Variants in CMTM8 observed in about 807,000 individuals in gnomAD.
The protein encoded by CMTM8 is CKLF like MARVEL transmembrane domain containing 8, also known as CKLF-like MARVEL transmembrane domain-containing protein 8.
Under a neutral mutation model 18.6 loss-of-function variants are expected in CMTM8, and 12 were observed. The observed-to-expected ratio is 0.65, with a 90% CI of 0.41 to 1.05. The LOEUF is 1.05. CMTM8 is among the 50% of genes least tolerant of loss of function. The pLI, the probability that CMTM8 is intolerant of heterozygous loss-of-function variation, is 0.00. For missense variants in CMTM8, 217 were observed against 227.2 expected (o/e 0.95, Z 0.29); for synonymous variants, 87 against 90.6 (o/e 0.96, Z 0.23).
chr3:32,301,827 GT>G (rs1695624350), intron 1 of CMTM8, among the ~76,000 whole-genome samples: 2 of 152,120 alleles, frequency 1.3e-5, no homozygotes, highest in South Asian at 4.1e-4. Context: ...GTGTCAAGAG[GT>G]TTCCATTTCG....
chr3:32,332,697 A>G (rs1244990364), intron 1 of CMTM8, among the ~76,000 whole-genome samples: 2 of 152,290 alleles, frequency 1.3e-5, no homozygotes, highest in East Asian at 3.9e-4. Context: ...AGACCACTCG[A>G]TGGGGCCTCT....
At position 32,367,881 on chromosome 3, in the gene CMTM8, T is replaced by G; in HGVS notation, c.331T>G (p.Phe111Val). The change falls in exon 3 of 4, where the codon TTT becomes GTT. Residue 111 changes from phenylalanine to valine, a missense_variant. Transcript: ENST00000307526. The part of the protein sequence containing the change: ...QVPWTTVGLC[F>V]NGSAFVLYLS... ...CCCTGTGTCCCCCCAGGGCCTGTGC[T>G]TTAACGGCAGTGCCTTCGTCTTGTA... 1.2e-6 allele frequency: 2 copies of G among 1,613,494 alleles called. No individual in the cohort carries two copies. The highest frequency in any genetic ancestry group is 1.7e-6 in the Non-Finnish European group (2 of 1,179,566).
chr3:32,342,193 A>G (rs1696511534), intron 1 of CMTM8, among the ~76,000 whole-genome samples: 1 of 152,226 alleles, frequency 6.6e-6, no homozygotes, highest in Non-Finnish European at 1.5e-5. Context: ...GGTTGCAGTG[A>G]GCCAAGATCG....
intron 1 of CMTM8, among the ~76,000 whole-genome samples, chr3:32,279,627 C>T (rs7645119): frequency 3.9e-5 from 3 of 76,068 alleles, no homozygotes; most frequent in African/African-American, 1.1e-4. Flanking sequence ...TGAATAATGC[C>T]GCAATAAACA....
intron 1 of CMTM8, among the ~76,000 whole-genome samples, chr3:32,321,940 T>C (rs1235777746): frequency 6.6e-6 from 1 of 152,232 alleles, no homozygotes; most frequent in African/African-American, 2.4e-5. Flanking sequence ...GCCATGCCCA[T>C]TTGTTTATAT....
chr3:32,248,847 T>A (rs994191640), intron 1 of CMTM8, among the ~76,000 whole-genome samples: 20 of 151,718 alleles, frequency 1.3e-4, no homozygotes, highest in Non-Finnish European at 2.1e-4. Context: ...ATTGTTTAAT[T>A]TTTTGTAGAG....
At chr3:32,241,382 CA>C (rs79178090) in intron 1 of CMTM8, among the ~76,000 whole-genome samples, 12,782 of 152,258 alleles carry the variant, frequency 0.084, 823 homozygotes, top group East Asian at 0.22. Context: ...GTTGTAAAAG[CA>C]GTATGCATTC....
chr3:32,322,935 T>C (rs1365059759), intron 1 of CMTM8, among the ~76,000 whole-genome samples: 1 of 152,094 alleles, frequency 6.6e-6, no homozygotes, highest in African/African-American at 2.4e-5. Flanking sequence ...GAGTAGGCGT[T>C]TTATGGCTTG....
chr3:32,301,280 A>G (rs1422166842), intron 1 of CMTM8, among the ~76,000 whole-genome samples: 2 of 152,086 alleles, frequency 1.3e-5, no homozygotes, highest in Admixed American at 6.5e-5. Flanking sequence ...TAAGTTGACA[A>G]ACTCATCAAG....
intron 1 of CMTM8, among the ~76,000 whole-genome samples, chr3:32,278,651 C>T (rs1242831429): frequency 1.3e-5 from 2 of 152,090 alleles, no homozygotes; most frequent in African/African-American, 4.8e-5. Context: ...ATAACGCAGC[C>T]CCATGCTTCC....
At chr3:32,303,719 C>T (rs1046655375) in intron 1 of CMTM8, among the ~76,000 whole-genome samples, 2 of 152,032 alleles carry the variant, frequency 1.3e-5, no homozygotes, top group East Asian at 1.9e-4. Flanking sequence ...TCCTCACTTA[C>T]ATTTGCCAGC....
chr3:32,323,356 C>T (rs747612381), intron 1 of CMTM8, among the ~76,000 whole-genome samples: 1 of 152,184 alleles, frequency 6.6e-6, no homozygotes, highest in Non-Finnish European at 1.5e-5. Context: ...TTCACATTCT[C>T]CCCCAACTCA....
chr3:32,330,321 T>C (rs950283462), intron 1 of CMTM8, among the ~76,000 whole-genome samples: 12 of 151,414 alleles, frequency 7.9e-5, no homozygotes, highest in Admixed American at 6.6e-5. Context: ...GCCCCATGCT[T>C]CCTGATTTTA....
At chr3:32,359,893 T>C (rs1696889353) in intron 2 of CMTM8, among the ~76,000 whole-genome samples, 1 of 152,188 alleles carries the variant, frequency 6.6e-6, no homozygotes, top group Non-Finnish European at 1.5e-5. Context: ...CTTGTGACTT[T>C]GCACAGATTT....
At chr3:32,259,923 C>A in intron 1 of CMTM8, 2 of 1,103,544 alleles carry the variant, frequency 1.8e-6, no homozygotes, top group Non-Finnish European at 2.7e-6. Flanking sequence ...GAGGTGGAGG[C>A]CCGCTACACC....
intron 1 of CMTM8, among the ~76,000 whole-genome samples, chr3:32,329,965 C>T (rs1249779866): frequency 6.6e-6 from 1 of 151,582 alleles, no homozygotes; most frequent in Non-Finnish European, 1.5e-5. Context: ...AATGAGCAAT[C>T]AAAAAAGGAA....
intron 1 of CMTM8, among the ~76,000 whole-genome samples, chr3:32,240,938 C>T (rs1701939208): frequency 6.6e-6 from 1 of 152,072 alleles, no homozygotes; most frequent in Non-Finnish European, 1.5e-5. Flanking sequence ...CAGGCATGCA[C>T]CAACACACTT....
chr3:32,298,287 G>T (rs971710165), intron 1 of CMTM8, among the ~76,000 whole-genome samples: 1 of 151,948 alleles, frequency 6.6e-6, no homozygotes, highest in Non-Finnish European at 1.5e-5. Context: ...GGCCAGGCTG[G>T]TCTCAAACTC....
chr3:32,277,895 G>A (rs1480078716), intron 1 of CMTM8, among the ~76,000 whole-genome samples: 1 of 152,170 alleles, frequency 6.6e-6, no homozygotes, highest in Non-Finnish European at 1.5e-5. Flanking sequence ...ATGTAAGAGT[G>A]TTGGTCAAGA....
Sources: gnomAD v4.1 joint callset for allele counts (sites outside exome capture counted in the v4.1 genomes callset) on GRCh38, gnomAD v4.1.1 for gene constraint, MANE v1.5 for transcripts, NCBI Gene and HGNC (gene_info 2026-07-23, HGNC 2026-07-21) for gene names.